The following CDC73 variants were observed in gnomAD, a reference collection of about 807,000 sequenced individuals.
CDC73 encodes the protein parafibromin.
Under a neutral mutation model 83.7 loss-of-function variants are expected in CDC73, and 21 were observed. That is an observed-to-expected ratio of 0.25 (90% CI 0.18 to 0.36). The LOEUF is 0.36. Among genes scored for constraint, CDC73 ranks in the 10% least tolerant of loss-of-function variants. CDC73 has a pLI of 1.00. For synonymous variants in CDC73, 224 were observed against 212.9 expected (o/e 1.05, Z -0.45); for missense variants, 342 against 653.3 (o/e 0.52, Z 5.19).
intron 15 of CDC73, among the ~76,000 whole-genome samples, chr1:193,242,955 C>CTTTTTT (rs530654324): frequency 7.0e-6 from 1 of 142,202 alleles, no homozygotes; most frequent in Admixed American, 7.0e-5. Flanking sequence ...TCTTCTTCTT[C>CTTTTTT]TTTTTTTTTT....
rs536891684 is a variant in CDC73, at chr1:193,152,683, G to A, written c.972+239G>A. On this transcript the variant is annotated intron_variant, in intron 10 of 16. Transcript: ENST00000367435. ...AAAAGCTGATTTGATTAACTTGCAA[G>A]TAGGGCAATGCCACCTGGTCAGTAT... Among the ~76,000 whole-genome samples, 3 of 152,268 alleles carry A rather than the reference G, an allele frequency of 2.0e-5. 1 individual carries two copies. Among genetic ancestry groups the A allele is most frequent in the South Asian group, 4.2e-4 (2 of 4,818 alleles).
intron 13 of CDC73, among the ~76,000 whole-genome samples, chr1:193,212,876 C>A (rs1313836262): frequency 6.6e-6 from 1 of 152,078 alleles, no homozygotes; most frequent in African/African-American, 2.4e-5. Flanking sequence ...ACCTAGATAG[C>A]AGTGAAAGTT....
chr1:193,187,362 AAT>A (rs1406676885), intron 10 of CDC73, among the ~76,000 whole-genome samples: 1 of 152,156 alleles, frequency 6.6e-6, no homozygotes, highest in Non-Finnish European at 1.5e-5. Flanking sequence ...ATCTGGGGGT[AAT>A]GAGATTTTAC....
At chr1:193,170,257 C>T (rs942998506) in intron 10 of CDC73, among the ~76,000 whole-genome samples, 9 of 152,180 alleles carry the variant, frequency 5.9e-5, no homozygotes, top group East Asian at 1.9e-4. Flanking sequence ...AGTGAATATA[C>T]GCATGCATGT....
rs148612206 is a variant in CDC73 at position 193,212,066 on chromosome 1, T to C, written c.1032T>C (p.Val344=). 6.3e-7 allele frequency: 1 copy of C among 1,583,350 alleles called. No individual in the cohort carries two copies. The highest frequency in any genetic ancestry group is 8.6e-7 in the Non-Finnish European group (1 of 1,159,796). The change falls in exon 12 of 17, where the codon GTT becomes GTC. Residue 344 remains valine, a splice_region_variant and synonymous_variant. Transcript: ENST00000367435. ...TPAAQPVPRP[V]SQARPPPNQK... Reference sequence around the variant, plus strand: ...TGTGATTTTTTTTCTTTTTCACAGTTTCTCAAGCAAGACCTCCCCCAAATC... The same window carrying C: ...TGTGATTTTTTTTCTTTTTCACAGTCTCTCAAGCAAGACCTCCCCCAAATC...
At chr1:193,141,555 A>C (rs865958299) in intron 6 of CDC73, among the ~76,000 whole-genome samples, 8 of 152,334 alleles carry the variant, frequency 5.3e-5, no homozygotes, top group African/African-American at 1.9e-4. Flanking sequence ...AAAGAAAAGC[A>C]CCTATATTAA....
chr1:193,203,920 C>A, intron 11 of CDC73, 68 bp downstream of exon 11: 1 of 1,244,310 alleles, frequency 8.0e-7, no homozygotes, highest in Non-Finnish European at 1.2e-6. Flanking sequence ...TTTTAGTATG[C>A]GTATAATGCT....
At chr1:193,132,199 TA>T (rs1462598575) in intron 3 of CDC73, among the ~76,000 whole-genome samples, 1 of 152,254 alleles carries the variant, frequency 6.6e-6, no homozygotes, top group Non-Finnish European at 1.5e-5. Flanking sequence ...CTTTAAGCAG[TA>T]AGATTGATTT....
chr1:193,188,425 C>G (rs533149184), intron 10 of CDC73, among the ~76,000 whole-genome samples: 1 of 151,604 alleles, frequency 6.6e-6, no homozygotes, highest in East Asian at 1.9e-4. Context: ...TTACATGGCA[C>G]TGCTAGAGAA....
intron 3 of CDC73, among the ~76,000 whole-genome samples, chr1:193,131,207 T>G (rs1675687569): frequency 6.6e-6 from 1 of 152,202 alleles, no homozygotes; most frequent in Admixed American, 6.5e-5. Flanking sequence ...CTTTCCCTTC[T>G]GCCCTCACAC....
At chr1:193,146,154 CTT>C (rs1675997050) in intron 7 of CDC73, among the ~76,000 whole-genome samples, 1 of 152,066 alleles carries the variant, frequency 6.6e-6, no homozygotes, top group African/African-American at 2.4e-5. Flanking sequence ...GCGACCATGT[CTT>C]TTTTGATCAT....
intron 10 of CDC73, among the ~76,000 whole-genome samples, chr1:193,184,871 A>T (rs1676778516): frequency 2.0e-5 from 3 of 151,972 alleles, no homozygotes; most frequent in South Asian, 2.1e-4. Flanking sequence ...ACATATTTTT[A>T]AAAAATGTTT....
chr1:193,193,932 T>A (rs942934363), intron 10 of CDC73, among the ~76,000 whole-genome samples: 10 of 152,132 alleles, frequency 6.6e-5, no homozygotes, highest in African/African-American at 2.4e-4. Flanking sequence ...TGTTTTCTTT[T>A]AAAGCTTGTA....
At chr1:193,240,405 A>T (rs1307601487) in intron 15 of CDC73, among the ~76,000 whole-genome samples, 2 of 152,198 alleles carry the variant, frequency 1.3e-5, no homozygotes, top group East Asian at 3.8e-4. Flanking sequence ...ATCATCCAGT[A>T]GTTCTGTTTT....
chr1:193,204,194 C>CAT (rs747968406), intron 11 of CDC73, among the ~76,000 whole-genome samples: 3 of 98,164 alleles, frequency 3.1e-5, no homozygotes, highest in East Asian at 2.3e-4. Context: ...CACACACACA[C>CAT]ATATATATAC....
chr1:193,250,954 G>A lies in CDC73; in HGVS notation c.*242G>A. The A allele has an allele frequency of 2.0e-6, 1 of 496,782 alleles. No individual in the cohort carries two copies. Among genetic ancestry groups the A allele is most frequent in the Non-Finnish European group, 3.6e-6 (1 of 277,972 alleles). 30.8% of individuals were successfully genotyped at this position (496,782 alleles called of 1,614,324 possible). On this transcript the variant is annotated 3_prime_UTR_variant, in exon 17 of 17. Transcript: ENST00000367435. ...TTTTGATAGAAGTTTTTTCTCCATT[G>A]GTTAAATTAGCATTACTTAAAATTT... is the stretch of plus-strand genomic sequence containing the variant.
chr1:193,130,510 T>G (rs187564823), intron 3 of CDC73, among the ~76,000 whole-genome samples: 105 of 152,348 alleles, frequency 6.9e-4, no homozygotes, highest in African/African-American at 2.4e-3. Context: ...TCTGACATCA[T>G]CAGTTTTCTA....
intron 10 of CDC73, among the ~76,000 whole-genome samples, chr1:193,155,404 A>G (rs961956932): frequency 6.6e-5 from 10 of 152,212 alleles, no homozygotes; most frequent in African/African-American, 2.4e-4. Context: ...AAGCCATGAA[A>G]TTGTTGATTT....
At chr1:193,148,809 T>C (rs1676054296) in intron 8 of CDC73, among the ~76,000 whole-genome samples, 1 of 151,718 alleles carries the variant, frequency 6.6e-6, no homozygotes, top group Non-Finnish European at 1.5e-5. Context: ...CCCACCCAGC[T>C]AATTTTTGTA....
Sources: allele counts gnomAD v4.1 joint callset (sites outside exome capture counted in the v4.1 genomes callset), GRCh38; gene constraint gnomAD v4.1.1; transcripts MANE v1.5; gene names NCBI Gene and HGNC (gene_info 2026-07-23, HGNC 2026-07-21).